Variants in XRRA1 observed in about 807,000 individuals in gnomAD.
XRRA1 encodes X-ray radiation resistance-associated protein 1.
A neutral mutation model predicts 80.2 loss-of-function variants in XRRA1; 69 were observed. That is an observed-to-expected ratio of 0.86 (90% CI 0.71 to 1.05). The LOEUF (loss-of-function observed/expected upper bound fraction) is 1.05, where lower values mean the gene tolerates loss of function less well. XRRA1 is among the 50% of genes least tolerant of loss of function. The pLI is 0.00. For synonymous variants in XRRA1, 348 were observed against 389.9 expected, an observed-to-expected ratio of 0.89 and a Z score of 1.27; for missense variants, 967 against 976.4, an observed-to-expected ratio of 0.99 and a Z score of 0.13.
At chr11:74,861,730 G>T (rs921541809) in intron 11 of XRRA1, among the ~76,000 whole-genome samples, 1 of 152,196 alleles carries the variant, frequency 6.6e-6, no homozygotes, top group Non-Finnish European at 1.5e-5. Flanking sequence ...AAAGGTTGGG[G>T]ACTGCTGCAT....
chr11:74,856,726 C>T (rs1304008115), intron 12 of XRRA1, among the ~76,000 whole-genome samples: 1 of 152,198 alleles, frequency 6.6e-6, no homozygotes, highest in African/African-American at 2.4e-5. Context: ...TGATGACAGC[C>T]TTCCTCAGTG....
chr11:74,857,806 C>T (rs953491334), intron 12 of XRRA1, among the ~76,000 whole-genome samples: 1 of 152,150 alleles, frequency 6.6e-6, no homozygotes, highest in Admixed American at 6.5e-5. Context: ...AAATACAAGA[C>T]ACCTAGAAGA....
At chr11:74,868,444 T>G (rs2043975407) in intron 10 of XRRA1, among the ~76,000 whole-genome samples, 1 of 152,136 alleles carries the variant, frequency 6.6e-6, no homozygotes, top group Non-Finnish European at 1.5e-5. Flanking sequence ...AAATAGACCA[T>G]TAACACTATA....
chr11:74,863,805 G>A (rs1262637712), intron 10 of XRRA1: 2 of 152,216 alleles, frequency 1.3e-5, no homozygotes, highest in East Asian at 1.9e-4. Flanking sequence ...AACTTCTCCT[G>A]TGATGAGGGT....
At chr11:74,885,352 AAGAC>A (rs1302606294) in intron 10 of XRRA1, among the ~76,000 whole-genome samples, 3 of 152,208 alleles carry the variant, frequency 2.0e-5, no homozygotes, top group Non-Finnish European at 2.9e-5. Flanking sequence ...TAATAAAAGA[AAGAC>A]AGAAGATACA....
At chr11:74,848,715 G>A (rs554586884) in intron 14 of XRRA1, among the ~76,000 whole-genome samples, 16 of 152,318 alleles carry the variant, frequency 1.1e-4, no homozygotes, top group South Asian at 8.3e-4. Context: ...CAGGGGCTTA[G>A]AGAGGTAAAA....
At chr11:74,931,117 T>C (rs993001322) in intron 5 of XRRA1, among the ~76,000 whole-genome samples, 6 of 126,952 alleles carry the variant, frequency 4.7e-5, no homozygotes, top group African/African-American at 1.8e-4. Context: ...CCCATATCTT[T>C]TTTTATGCTT....
chr11:74,932,241 T>C lies in XRRA1; in HGVS notation c.351+1560A>G, dbSNP rs148505640. On this transcript the variant is annotated intron_variant, in intron 5 of 18. Transcript: ENST00000684022. ...TATTTTTAATTAAATTTCATAGATA[T>C]TTTCCTTTATGGTTTAACCACAAAG... Among the ~76,000 whole-genome samples, 52 of 152,334 alleles carry C rather than the reference T, an allele frequency of 3.4e-4. No homozygotes were observed. In the East Asian group the frequency reaches 9.8e-3, roughly 29 times the overall value.
chr11:74,861,663 C>T (rs2042333933), intron 11 of XRRA1, among the ~76,000 whole-genome samples: 1 of 152,148 alleles, frequency 6.6e-6, no homozygotes, highest in Non-Finnish European at 1.5e-5. Context: ...CGAAACCACC[C>T]ACCCCACCCC....
At chr11:74,844,502 A>G (rs1031900638) in intron 16 of XRRA1, among the ~76,000 whole-genome samples, 2 of 152,192 alleles carry the variant, frequency 1.3e-5, no homozygotes, top group Admixed American at 1.3e-4. Context: ...TAATGGAAAA[A>G]TAGCACAGAT....
intron 10 of XRRA1, among the ~76,000 whole-genome samples, chr11:74,880,689 A>G (rs2047317435): frequency 6.6e-6 from 1 of 150,934 alleles, no homozygotes; most frequent in South Asian, 2.1e-4. Flanking sequence ...TTCAAAGAAC[A>G]TCTTTATTTC....
chr11:74,937,816 C>G (rs1471239604), intron 3 of XRRA1, among the ~76,000 whole-genome samples: 1 of 152,196 alleles, frequency 6.6e-6, no homozygotes, highest in African/African-American at 2.4e-5. Context: ...CATTGTCTGT[C>G]TCCCTCTCTA....
chr11:74,843,867 T>C lies in XRRA1; in HGVS notation c.2136A>G (p.Thr712=), dbSNP rs1419220352. 1 of 1,610,524 alleles carries C rather than the reference T, an allele frequency of 6.2e-7. No homozygotes were observed. The highest frequency in any genetic ancestry group is 8.5e-7 in the Non-Finnish European group (1 of 1,178,386). The change falls in exon 18 of 19, where the codon ACA becomes ACG. Residue 712 remains threonine (T), a synonymous_variant. Coordinates refer to ENST00000684022, the MANE Select transcript of XRRA1 (RefSeq NM_001378157.1). The stretch of plus-strand genomic sequence containing the variant: ...GCAGAGCCGTACCTAGTGGAGCCTC[T>C]GTAATGTTCCGGGGATCCCGCAAGC... ...FIRLRDPRNI[T]EAPLGAVLHQ... is the part of the protein sequence containing the mutation.
Position 74,927,421 on chromosome 11 carries a change from G to GTAGA in XRRA1, c.488_491dup (p.Val165LeufsTer8). On this transcript the variant is annotated frameshift_variant, in exon 7 of 19. Transcript: ENST00000684022. LOFTEE classifies it high-confidence loss of function. ...ATAACTTAAAGTCTCCATATTTCAC[G>GTAGA]TAGATAGTTTTGATGCCATTAAATG... 6.2e-7 allele frequency: 1 copy of GTAGA among 1,613,030 alleles called. No individual in the cohort carries two copies. Among genetic ancestry groups the GTAGA allele is most frequent in the Non-Finnish European group, 8.5e-7 (1 of 1,179,070 alleles).
chr11:74,919,867 G>A (rs1345110429), intron 8 of XRRA1: 5 of 407,558 alleles, frequency 1.2e-5, no homozygotes, highest in Non-Finnish European at 2.3e-5. Flanking sequence ...AGAATATAAT[G>A]AGGATGAAGA....
At chr11:74,915,061 AACTATTAC>A (rs1483020616) in intron 8 of XRRA1, among the ~76,000 whole-genome samples, 1 of 152,234 alleles carries the variant, frequency 6.6e-6, no homozygotes, top group Non-Finnish European at 1.5e-5. Context: ...TCTCAAAGTC[AACTATTAC>A]AATATTATAG....
intron 8 of XRRA1, among the ~76,000 whole-genome samples, chr11:74,911,723 T>C (rs1222002294): frequency 1.3e-5 from 2 of 152,102 alleles, no homozygotes; most frequent in Admixed American, 6.6e-5. Context: ...GGATCCATCA[T>C]TTTAATATGT....
rs1459131998 is a variant in XRRA1 at position 74,862,963 on chromosome 11, A to G, written c.1044+18T>C. 1.9e-6 allele frequency: 3 copies of G among 1,576,690 alleles called. No homozygotes were observed. The South Asian group carries it at 3.5e-5, about 18-fold the overall frequency. On this transcript the variant is annotated intron_variant, in intron 11 of 18. Coordinates refer to ENST00000684022, the MANE Select transcript of XRRA1 (RefSeq NM_001378157.1). The stretch of plus-strand genomic sequence containing the variant: ...TGTTCTAACTCAGGAACACAAATAT[A>G]AAGTAGTCAGTTCCTACCTCTGAGG...
At chr11:74,882,618 G>T (rs1035429535) in intron 10 of XRRA1, among the ~76,000 whole-genome samples, 1 of 152,208 alleles carries the variant, frequency 6.6e-6, no homozygotes, top group African/African-American at 2.4e-5. Flanking sequence ...TTTCTGTTGT[G>T]TTTTTTCCCC....
Sources: allele counts gnomAD v4.1 joint callset (sites outside exome capture counted in the v4.1 genomes callset), GRCh38; gene constraint gnomAD v4.1.1; transcripts MANE v1.5; gene names NCBI Gene and HGNC (gene_info 2026-07-23, HGNC 2026-07-21).